The following RUNDC1 variants were observed in gnomAD, a reference collection of about 807,000 sequenced individuals.
The protein encoded by RUNDC1 is RUN domain-containing protein 1.
RUNDC1 carries 31 observed loss-of-function variants against 49.3 expected under a neutral mutation model. The observed-to-expected ratio is 0.63, with a 90% CI of 0.47 to 0.85. The LOEUF (loss-of-function observed/expected upper bound fraction) is 0.85, where lower values mean the gene tolerates loss of function less well. RUNDC1 is among the 40% of genes least tolerant of loss of function. The pLI is 0.00. For synonymous variants in RUNDC1, 347 were observed against 348.6 expected (o/e 1.00, Z 0.05); for missense variants, 715 against 806.7 (o/e 0.89, Z 1.38).
At position 42,992,654 on chromosome 17, in the gene RUNDC1, G is replaced by C. The variant is rs1170948859; in HGVS notation, c.*938G>C. On this transcript the variant is annotated 3_prime_UTR_variant, in exon 5 of 5. Transcript: ENST00000361677. ...TCTTTCACTTGAAGCAGGTTTGAGA[G>C]GCCTAGGCCAGAATTTAAATTCCTT... The C allele has an allele frequency of 6.6e-6, 1 of 151,650 alleles. No homozygotes were observed. Among genetic ancestry groups the C allele is most frequent in the Non-Finnish European group, 1.5e-5 (1 of 67,990 alleles). The allele number at this position is 151,650 out of a possible 1,614,324, so 9.4% of individuals were successfully genotyped here. A position where few individuals can be genotyped will look rare whatever the true frequency, so the allele number is the denominator to read the frequency against.
rs1490282880 is a variant in RUNDC1, at chr17:42,991,803, G to A, written c.*87G>A. ...AGCATAGGAGCAAGGAATCAGAGGT[G>A]GGGTTAAAGGCATTTTTCCCAGACC... On this transcript the variant is annotated 3_prime_UTR_variant, in exon 5 of 5. Coordinates refer to ENST00000361677, the MANE Select transcript of RUNDC1 (RefSeq NM_173079.5). 7.8e-6 allele frequency: 11 copies of A among 1,415,134 alleles called. No homozygotes were observed. Among genetic ancestry groups the A allele is most frequent in the South Asian group, 1.4e-5 (1 of 73,382 alleles). 87.7% of individuals were successfully genotyped at this position (1,415,134 alleles called of 1,614,324 possible).
intron 3 of RUNDC1, 132 bp downstream of exon 3, chr17:42,989,671 G>A (rs551034792): frequency 6.1e-6 from 5 of 823,040 alleles, no homozygotes; most frequent in Non-Finnish European, 9.6e-6. Flanking sequence ...GTCTCTCTCT[G>A]TTCCCCTGGC....
Position 42,989,463 on chromosome 17 carries a change from C to A in RUNDC1, c.780C>A (p.Ala260=). Residue 260 remains alanine, a synonymous_variant, in exon 3 of 5, where the codon GCC becomes GCA. Transcript: ENST00000361677. ...CAGTGGCTCAGATCGTCAACCCAGC[C>A]CGAGTCAAAGAACAGTTGGTTGAGC... ...DAAVAQIVNP[A]RVKEQLVEQL... 1 of 1,614,062 alleles carries A rather than the reference C, an allele frequency of 6.2e-7. No homozygotes were observed. The highest frequency in any genetic ancestry group is 8.5e-7 in the Non-Finnish European group (1 of 1,180,024).
At chr17:42,981,162 G>A in intron 1 of RUNDC1, 88 bp downstream of exon 1, 1 of 1,431,100 alleles carries the variant, frequency 7.0e-7, no homozygotes, top group Non-Finnish European at 9.2e-7. Flanking sequence ...GTGCATGCGG[G>A]GAGAAGCCTC....
rs964288610 is a variant in RUNDC1, at chr17:42,994,441, G to T, written c.*2725G>T. 2.0e-5 allele frequency among the ~76,000 whole-genome samples: 3 copies of T among 152,192 alleles called. No homozygotes were observed. The highest frequency in any genetic ancestry group is 6.5e-5 in the Admixed American group (1 of 15,276). ...ATTTTGTCCTGGTTTACATGATGAT[G>T]GAAGACCTGAGATTTGGAGTCAAGT... On this transcript the variant is annotated 3_prime_UTR_variant, in exon 5 of 5. Transcript: ENST00000361677.
At chr17:42,985,792 G>A in intron 1 of RUNDC1, 1 of 590,714 alleles carries the variant, frequency 1.7e-6, no homozygotes, top group Non-Finnish European at 2.1e-6. Flanking sequence ...ACCAGTGTTT[G>A]AGAATACGTT....
In RUNDC1 at chr17:42,991,328, G is replaced by T. The variant is rs745714064; in HGVS notation, c.1454G>T (p.Gly485Val). ...LFVKYYHAKNGRAYVESPARK... is the reference protein window; with the variant it reads ...LFVKYYHAKNVRAYVESPARK... The stretch of plus-strand genomic sequence containing the variant: ...GTAAAGTACTACCATGCTAAGAACG[G>T]CCGTGCTTATGTGGAATCCCCAGCC... Residue 485 changes from glycine (G) to valine (V), a missense_variant, in exon 5 of 5, where the codon GGC becomes GTC. Around this residue, in one of 5 missense-constraint regions of RUNDC1, gnomAD observed 425 missense variants for 499.7 expected, o/e 0.85. Transcript: ENST00000361677. 2 of 1,614,076 alleles carry T rather than the reference G, an allele frequency of 1.2e-6. No individual in the cohort carries two copies. Among genetic ancestry groups the T allele is most frequent in the East Asian group, 4.5e-5 (2 of 44,900 alleles).
At chr17:42,983,588 G>A (rs1203047614) in intron 1 of RUNDC1, among the ~76,000 whole-genome samples, 1 of 151,634 alleles carries the variant, frequency 6.6e-6, no homozygotes, top group African/African-American at 2.4e-5. Flanking sequence ...GCCCAGGCTG[G>A]TCTTGAACTC....
rs548094311 is a variant in RUNDC1, at chr17:42,993,043, A to G, written c.*1327A>G. On this transcript the variant is annotated 3_prime_UTR_variant, in exon 5 of 5. Transcript: ENST00000361677. ...AAAATCCTGGCTACCCAAGTCGAGT[A>G]TATACAGGAATACAAATCGGTAACC... 3.9e-5 allele frequency: 6 copies of G among 152,350 alleles called. No individual in the cohort carries two copies. Among genetic ancestry groups the G allele is most frequent in the African/African-American group, 1.4e-4 (6 of 41,580 alleles). The allele number at this position is 152,350 out of a possible 1,614,324, so 9.4% of individuals were successfully genotyped here.
chr17:42,989,873 G>C (rs1253221657), intron 3 of RUNDC1, among the ~76,000 whole-genome samples: 1 of 152,034 alleles, frequency 6.6e-6, no homozygotes, highest in East Asian at 1.9e-4. Flanking sequence ...GACCTCAAGT[G>C]ATCCGCCTGC....
Position 42,991,626 on chromosome 17 carries a change from C to T in RUNDC1, c.1752C>T (p.Leu584=). 6.2e-7 allele frequency: 1 copy of T among 1,614,154 alleles called. No individual in the cohort carries two copies. Among genetic ancestry groups the T allele is most frequent in the African/African-American group, 1.3e-5 (1 of 75,044 alleles). The change falls in exon 5 of 5, where the codon CTC becomes CTT. Residue 584 remains leucine, a synonymous_variant. Transcript: ENST00000361677. ...YMAHTGFESA[L]NLLSRLSSLK... Reference sequence around the variant, plus strand: ...CACACACAGGCTTTGAGAGTGCCCTCAACCTGCTCAGTCGCCTCAGCAGCC... The same window carrying T: ...CACACACAGGCTTTGAGAGTGCCCTTAACCTGCTCAGTCGCCTCAGCAGCC...
At chr17:42,982,040 C>A (rs984984169) in intron 1 of RUNDC1, 1 of 131,568 alleles carries the variant, frequency 7.6e-6, no homozygotes, top group African/African-American at 2.9e-5. Context: ...GGCCAGACTG[C>A]ATTGGCGCAA....
rs191397823 is a variant in RUNDC1 at position 42,993,248 on chromosome 17, G to A, written c.*1532G>A. On this transcript the variant is annotated 3_prime_UTR_variant, in exon 5 of 5. Transcript: ENST00000361677. Reference sequence around the variant, plus strand: ...CTCATTGTGAAACAGACTCTAGAGTGGTTCTATTTGGTCTTCAGTGTTTTA... The same window carrying A: ...CTCATTGTGAAACAGACTCTAGAGTAGTTCTATTTGGTCTTCAGTGTTTTA... 2.6e-5 allele frequency: 4 copies of A among 152,270 alleles called. No individual in the cohort carries two copies. Among genetic ancestry groups the A allele is most frequent in the African/African-American group, 9.6e-5 (4 of 41,540 alleles). 9.4% of individuals were successfully genotyped at this position (152,270 alleles called of 1,614,324 possible). A position where few individuals can be genotyped will look rare whatever the true frequency, so the allele number is the denominator to read the frequency against.
In RUNDC1 at chr17:42,991,397, C is replaced by T. The variant is rs372331738; in HGVS notation, c.1523C>T (p.Thr508Ile). ...QSFALPVTGGTVVTPKQSLLT... is the reference protein window; with the variant it reads ...QSFALPVTGGIVVTPKQSLLT... ...TTCGCCCTTCCTGTTACGGGAGGCACTGTTGTCACCCCCAAACAGAGCCTA... is the reference window on the plus strand; with the variant it reads ...TTCGCCCTTCCTGTTACGGGAGGCATTGTTGTCACCCCCAAACAGAGCCTA... Residue 508 changes from threonine to isoleucine, a missense_variant, in exon 5 of 5, where the codon ACT (threonine) becomes ATT (isoleucine). Thr to Ile is a moderately conservative substitution (Grantham distance 89). Coordinates refer to ENST00000361677, the MANE Select transcript of RUNDC1 (RefSeq NM_173079.5). 2.5e-6 allele frequency: 4 copies of T among 1,614,130 alleles called. No individual in the cohort carries two copies. In the Admixed American group the frequency reaches 6.7e-5, roughly 27 times the overall value.
intron 1 of RUNDC1, 22 bp from the exon 2 acceptor site, chr17:42,987,234 C>T: frequency 6.2e-7 from 1 of 1,610,552 alleles, no homozygotes; most frequent in East Asian, 2.2e-5. Flanking sequence ...GCATAATAGA[C>T]CCAATTATTT....
In RUNDC1 at chr17:42,980,601, G is replaced by C. The variant is rs774457362; in HGVS notation, c.25G>C (p.Glu9Gln). ...GATGGCGGCTGTCGAAGCGGCTGCA[G>C]AGCCGGTAACGGTGGTGGCGGCTGT... MAAVEAAA[E>Q]PVTVVAAVGP... Residue 9 changes from glutamate (E) to glutamine (Q), a missense_variant, in exon 1 of 5, where the codon GAG becomes CAG. Physicochemically the swap from Glu to Gln is conservative, Grantham distance 29 (BLOSUM62 2). This residue lies in a region of RUNDC1 where 153 missense variants were observed against 139.4 expected (regional missense o/e 1.10). Coordinates refer to ENST00000361677, the MANE Select transcript of RUNDC1 (RefSeq NM_173079.5). 1.5e-5 allele frequency: 24 copies of C among 1,609,838 alleles called. No individual in the cohort carries two copies. Among genetic ancestry groups the C allele is most frequent in the Non-Finnish European group, 2.0e-5 (23 of 1,179,420 alleles).
intron 1 of RUNDC1, among the ~76,000 whole-genome samples, chr17:42,984,735 T>A (rs1204421962): frequency 1.3e-5 from 2 of 150,160 alleles, no homozygotes; most frequent in Non-Finnish European, 2.9e-5. Flanking sequence ...TATGGCTGAT[T>A]TCTTTCTTCC....
At position 42,987,389 on chromosome 17, in the gene RUNDC1, A is replaced by G. The variant is rs1322000932; in HGVS notation, c.632A>G (p.Gln211Arg). Reference sequence around the variant, plus strand: ...GAGGGCAGTTATGACTCGCTGCCACAGTCCGTGGTGTTGGAAAGACAGCGG... The same window carrying G: ...GAGGGCAGTTATGACTCGCTGCCACGGTCCGTGGTGTTGGAAAGACAGCGG... ...YQEGSYDSLP[Q>R]SVVLERQRVI... is the part of the protein sequence containing the mutation. The change falls in exon 2 of 5, where the codon CAG (glutamine) becomes CGG (arginine). Residue 211 changes from glutamine (Q) to arginine (R), a missense_variant. This residue lies in a region of RUNDC1 where 15 missense variants were observed against 47.9 expected (regional missense o/e 0.31). Coordinates refer to ENST00000361677, the MANE Select transcript of RUNDC1 (RefSeq NM_173079.5). 1 of 1,614,228 alleles carries G rather than the reference A, an allele frequency of 6.2e-7. No individual in the cohort carries two copies. Among genetic ancestry groups the G allele is most frequent in the Non-Finnish European group, 8.5e-7 (1 of 1,180,038 alleles).
chr17:42,988,717 G>A lies in RUNDC1; in HGVS notation c.658-624G>A, dbSNP rs139465729. Among the ~76,000 whole-genome samples, 417 of 152,256 alleles carry A rather than the reference G, an allele frequency of 2.7e-3. 3 individuals carry two copies. The highest frequency in any genetic ancestry group is 9.4e-3 in the African/African-American group (391 of 41,538). On this transcript the variant is annotated intron_variant, in intron 2 of 4. Coordinates refer to ENST00000361677, the MANE Select transcript of RUNDC1 (RefSeq NM_173079.5). ...AATCAGGCCAGTTGCAGTGGCTCGT[G>A]CCTGTAATCCCAATTCTTTGGGAGG...
Sources: gnomAD v4.1 joint callset for allele counts (sites outside exome capture counted in the v4.1 genomes callset) on GRCh38, gnomAD v4.1.1 for gene constraint, gnomAD v4.1.1 regional missense constraint, MANE v1.5 for transcripts, NCBI Gene and HGNC (gene_info 2026-07-23, HGNC 2026-07-21) for gene names.